FSTL4: variants seen among roughly 807,000 people sequenced by gnomAD.
FSTL4 encodes the protein follistatin-related protein 4.
FSTL4 carries 28 observed loss-of-function variants against 78.2 expected under a neutral mutation model. The observed-to-expected ratio is 0.36, with a 90% CI of 0.27 to 0.49. The LOEUF (loss-of-function observed/expected upper bound fraction) is 0.49. Ranked by LOEUF, FSTL4 falls within the 20% of genes least tolerant of loss-of-function variation. The pLI is 0.98. For missense variants in FSTL4, 922 were observed against 1,084.9 expected (o/e 0.85, Z 2.11); for synonymous variants, 422 against 440.5 (o/e 0.96, Z 0.53).
the FSTL4 span, among the ~76,000 whole-genome samples, chr5:133,798,055 A>T: frequency 6.6e-6 from 1 of 152,040 alleles, no homozygotes; most frequent in Non-Finnish European, 1.5e-5. Flanking sequence ...GTCCAGCAAC[A>T]CCTATAGCTG....
chr5:133,238,885 C>G (rs1161951930), intron 7 of FSTL4, among the ~76,000 whole-genome samples: 1 of 152,256 alleles, frequency 6.6e-6, no homozygotes, highest in Non-Finnish European at 1.5e-5. Context: ...GGTTCCCACT[C>G]TGGCCATGCT....
intron 3 of FSTL4, among the ~76,000 whole-genome samples, chr5:133,453,395 G>T (rs1249332335): frequency 1.3e-5 from 2 of 152,148 alleles, no homozygotes; most frequent in Non-Finnish European, 2.9e-5. Context: ...CTGAGTGGAT[G>T]CTCCCACCCC....
upstream of FSTL4, among the ~76,000 whole-genome samples, chr5:133,616,330 T>TATC (rs1561488154): frequency 6.6e-6 from 1 of 151,964 alleles, no homozygotes; most frequent in African/African-American, 2.4e-5. Flanking sequence ...TCTATCTATC[T>TATC]ATCTATCTAT....
intron 4 of FSTL4, among the ~76,000 whole-genome samples, chr5:133,324,098 C>A (rs1754145713): frequency 6.6e-6 from 1 of 152,186 alleles, no homozygotes; most frequent in South Asian, 2.1e-4. Context: ...GAAACACTTT[C>A]TATTGCAAAA....
At chr5:133,344,153 C>T (rs1424181407) in intron 4 of FSTL4, among the ~76,000 whole-genome samples, 2 of 152,178 alleles carry the variant, frequency 1.3e-5, no homozygotes, top group Non-Finnish European at 2.9e-5. Flanking sequence ...TTTAATATGG[C>T]ACCACTTTCT....
At chr5:133,438,868 G>T (rs546925173) in intron 3 of FSTL4, among the ~76,000 whole-genome samples, 4 of 152,222 alleles carry the variant, frequency 2.6e-5, no homozygotes, top group Non-Finnish European at 5.9e-5. Context: ...TAAGAATGGG[G>T]TTATGTGAGA....
At chr5:133,806,289 G>C in the FSTL4 span, among the ~76,000 whole-genome samples, 1 of 151,986 alleles carries the variant, frequency 6.6e-6, no homozygotes, top group African/African-American at 2.4e-5. Flanking sequence ...AGAATAGAAT[G>C]CACAGTCCTA....
intron 3 of FSTL4, among the ~76,000 whole-genome samples, chr5:133,560,384 G>A (rs868044791): frequency 3.9e-4 from 59 of 152,296 alleles, no homozygotes; most frequent in African/African-American, 1.3e-3. Flanking sequence ...AGAAGTTTAT[G>A]TTTGTCTTTA....
the FSTL4 span, among the ~76,000 whole-genome samples, chr5:133,824,444 T>G: frequency 6.6e-6 from 1 of 152,192 alleles, no homozygotes; most frequent in Admixed American, 6.5e-5. Flanking sequence ...CCACCAGCCA[T>G]CTCAGAAGCA....
At chr5:133,282,554 G>T (rs927186079) in intron 6 of FSTL4, among the ~76,000 whole-genome samples, 2 of 152,188 alleles carry the variant, frequency 1.3e-5, no homozygotes, top group Non-Finnish European at 1.5e-5. Context: ...ATTCTTCTTG[G>T]GGGTGAGCTG....
chr5:133,309,767 T>C (rs529317145), intron 6 of FSTL4, among the ~76,000 whole-genome samples: 1 of 152,300 alleles, frequency 6.6e-6, no homozygotes, highest in Admixed American at 6.5e-5. Flanking sequence ...AGCGATTGAC[T>C]CCGCATCGGT....
At chr5:133,530,927 T>C (rs915959623) in intron 3 of FSTL4, among the ~76,000 whole-genome samples, 12 of 152,196 alleles carry the variant, frequency 7.9e-5, no homozygotes, top group African/African-American at 2.7e-4. Flanking sequence ...GACTCTGATA[T>C]GGGATCTTGC....
intron 3 of FSTL4, chr5:133,427,639 A>T (rs1228465046): frequency 1.9e-6 from 1 of 530,480 alleles, no homozygotes; most frequent in South Asian, 1.4e-5. Flanking sequence ...TGGACTCCAC[A>T]CCCAGTGACT....
chr5:133,654,213 C>T, the FSTL4 span, among the ~76,000 whole-genome samples: 1 of 152,236 alleles, frequency 6.6e-6, no homozygotes, highest in Non-Finnish European at 1.5e-5. Context: ...AACCAGAGTG[C>T]TTCATAATCA....
At chr5:133,480,881 T>C (rs1758014100) in intron 3 of FSTL4, among the ~76,000 whole-genome samples, 1 of 152,178 alleles carries the variant, frequency 6.6e-6, no homozygotes, top group African/African-American at 2.4e-5. Flanking sequence ...AGGCTTCACC[T>C]ACCTTTCAGC....
At chr5:133,466,271 G>A (rs779547788) in intron 3 of FSTL4, among the ~76,000 whole-genome samples, 27 of 152,190 alleles carry the variant, frequency 1.8e-4, no homozygotes, top group African/African-American at 4.8e-4. Flanking sequence ...GGCCAGGTGC[G>A]GTGGCTCAAG....
intron 3 of FSTL4, among the ~76,000 whole-genome samples, chr5:133,538,557 CTT>C (rs77795091): frequency 2.7e-5 from 4 of 146,824 alleles, no homozygotes; most frequent in African/African-American, 1.0e-4. Flanking sequence ...TCTGCTGAGA[CTT>C]TTTTTTTTTA....
intron 4 of FSTL4, among the ~76,000 whole-genome samples, chr5:133,325,100 C>A (rs192969231): frequency 3.3e-5 from 5 of 152,332 alleles, no homozygotes; most frequent in Middle Eastern, 3.4e-3. Flanking sequence ...AAAGCTTCTG[C>A]CCTCTTGTCT....
chr5:133,836,251 T>A, the FSTL4 span, among the ~76,000 whole-genome samples: 422 of 152,290 alleles, frequency 2.8e-3, 2 homozygotes, highest in African/African-American at 9.4e-3. Flanking sequence ...TTCTTTTTCT[T>A]ACCTCTTTTG....
Sources: gnomAD v4.1 joint callset for allele counts (sites outside exome capture counted in the v4.1 genomes callset) on GRCh38, gnomAD v4.1.1 for gene constraint, MANE v1.5 for transcripts, NCBI Gene and HGNC (gene_info 2026-07-23, HGNC 2026-07-21) for gene names.